KIF4A: variants seen among roughly 807,000 people sequenced by gnomAD.
The protein encoded by KIF4A is kinesin family member 4A.
KIF4A carries 7 observed loss-of-function variants against 105.9 expected under a neutral mutation model. The ratio of observed to expected loss-of-function variants is 0.07; its 90% CI spans 0.04 to 0.12. The LOEUF (loss-of-function observed/expected upper bound fraction) is 0.12, where lower values mean the gene tolerates loss of function less well. Ranked by LOEUF, KIF4A falls within the 10% of genes least tolerant of loss-of-function variation. KIF4A has a pLI of 1.00. For missense variants in KIF4A, 558 were observed against 929.2 expected (o/e 0.60, Z 5.19); for synonymous variants, 281 against 331.3 (o/e 0.85, Z 1.65).
chrX:70,349,741 C>T (rs1435099013), intron 13 of KIF4A, among the ~76,000 whole-genome samples: 3 of 63,850 alleles, frequency 4.7e-5, no homozygotes, highest in Admixed American at 1.8e-4. Flanking sequence ...GGGTGGCGGC[C>T]AGGCAGAGGC....
chrX:70,357,309 A>C (rs1346659446), intron 15 of KIF4A, among the ~76,000 whole-genome samples: 8 of 111,509 alleles, frequency 7.2e-5, no homozygotes, highest in Non-Finnish European at 1.1e-4. Context: ...GCAAGACTCC[A>C]TCTCAAAAAC....
At chrX:70,304,510 G>T (rs764658701) in intron 7 of KIF4A, among the ~76,000 whole-genome samples, 24 of 109,487 alleles carry the variant, frequency 2.2e-4, no homozygotes, top group African/African-American at 7.7e-4. Flanking sequence ...CTGAGGAATC[G>T]CCACACTGAC....
chrX:70,404,041 T>C lies in KIF4A; in HGVS notation c.2790+7T>C. On this transcript the variant is annotated splice_region_variant and intron_variant, in intron 24 of 30. Coordinates refer to ENST00000374403, the MANE Select transcript of KIF4A (RefSeq NM_012310.5). ...GCAACAGCACCAAGAGAAGGTAAAC[T>C]CTAGCAAGTCAAGAAGCTATACTGT... The C allele has an allele frequency of 8.3e-7, 1 of 1,208,557 alleles. No homozygotes were observed. The highest frequency in any genetic ancestry group is 1.8e-5 in the South Asian group (1 of 56,845).
chrX:70,374,087 T>G, intron 15 of KIF4A, 64 bp from the exon 16 acceptor site: 1 of 634,955 alleles, frequency 1.6e-6, no homozygotes, highest in Non-Finnish European at 2.5e-6. Flanking sequence ...CATGGAATGC[T>G]GAAGTGATTT....
rs1305905498 is a variant in KIF4A at position 70,344,019 on chromosome X, C to T, written c.1431+37C>T. 3.0e-6 allele frequency: 3 copies of T among 999,324 alleles called. No homozygotes were observed. In the African/African-American group the frequency reaches 5.6e-5, roughly 19 times the overall value. 82.4% of individuals were successfully genotyped at this position (999,324 alleles called of 1,213,427 possible). On this transcript the variant is annotated intron_variant, in intron 13 of 30. Transcript: ENST00000374403. ...AGGGGCAGTGTAAATAGGCATATCA[C>T]TTTCATTTGTTTCTCTTGACACATA...
chrX:70,379,286 A>G (rs1451208393), intron 18 of KIF4A, among the ~76,000 whole-genome samples: 1 of 112,374 alleles, frequency 8.9e-6, no homozygotes, highest in East Asian at 2.8e-4. Flanking sequence ...AATTACTATT[A>G]ACAACTGTAT....
chrX:70,380,409 A>T (rs1339983293), intron 18 of KIF4A, among the ~76,000 whole-genome samples: 2 of 112,520 alleles, frequency 1.8e-5, no homozygotes, highest in African/African-American at 6.5e-5. Flanking sequence ...ATACTGTATC[A>T]GTAGGAAAAA....
intron 13 of KIF4A, among the ~76,000 whole-genome samples, chrX:70,347,347 CTTA>C (rs1194953114): frequency 8.9e-6 from 1 of 112,004 alleles, no homozygotes; most frequent in African/African-American, 3.2e-5. Context: ...TGAAATAAAT[CTTA>C]TTGTCATATA....
chrX:70,418,151 A>G, intron 29 of KIF4A, 147 bp downstream of exon 29: 1 of 449,862 alleles, frequency 2.2e-6, no homozygotes, highest in Non-Finnish European at 3.8e-6. Context: ...AAAAAGAGAC[A>G]GTTCACTTCT....
At chrX:70,416,583 G>A (rs940607178) in intron 28 of KIF4A, among the ~76,000 whole-genome samples, 3 of 110,316 alleles carry the variant, frequency 2.7e-5, no homozygotes, top group South Asian at 3.9e-4. Context: ...CGATCCACCC[G>A]CCTTGACCTC....
chrX:70,349,899 G>A (rs1267092224), intron 13 of KIF4A, among the ~76,000 whole-genome samples: 3 of 92,368 alleles, frequency 3.2e-5, no homozygotes, highest in African/African-American at 1.2e-4. Flanking sequence ...GGTGGCGGCC[G>A]GGCAGAGACG....
intron 18 of KIF4A, among the ~76,000 whole-genome samples, chrX:70,378,358 C>T (rs1293353779): frequency 9.0e-6 from 1 of 110,554 alleles, no homozygotes; most frequent in East Asian, 2.8e-4. Flanking sequence ...ATAACCTAGC[C>T]TTCTACTTTA....
intron 15 of KIF4A, among the ~76,000 whole-genome samples, chrX:70,371,017 A>C (rs2086129591): frequency 9.2e-6 from 1 of 109,069 alleles, no homozygotes; most frequent in African/African-American, 3.3e-5. Flanking sequence ...CATTGCTTGG[A>C]AAACAGCTCT....
intron 1 of KIF4A, 82 bp downstream of exon 1, chrX:70,290,232 T>C (rs2147653743): frequency 2.7e-6 from 1 of 368,675 alleles, no homozygotes; most frequent in Non-Finnish European, 4.6e-6. Flanking sequence ...GCCGTCCCCG[T>C]TGGAGTTTTT....
intron 15 of KIF4A, among the ~76,000 whole-genome samples, chrX:70,367,152 G>A (rs186298022): frequency 4.2e-3 from 446 of 106,878 alleles, no homozygotes; most frequent in Non-Finnish European, 5.7e-3. Context: ...GTCTCTGCAC[G>A]TGAGATGGGT....
intron 28 of KIF4A, chrX:70,415,347 C>T (rs775938575): frequency 2.0e-4 from 55 of 270,005 alleles, no homozygotes; most frequent in Admixed American, 1.4e-4. Flanking sequence ...CTGTTGCTCA[C>T]GCCTGTAATC....
rs1405112878 is a variant in KIF4A, at chrX:70,393,736, G to T, written c.2233-1935G>T. ...GTATGTTGTTTTTTTTTTTGTCATG[G>T]TGTATTTAATGTTAACGTATTTGTG... On this transcript the variant is annotated intron_variant, in intron 20 of 30. Transcript: ENST00000374403. Among the ~76,000 whole-genome samples the T allele has an allele frequency of 6.6e-5, 7 of 105,844 alleles. No individual in the cohort carries two copies. The South Asian group carries it at 2.1e-3, about 32-fold the overall frequency. 91.9% of individuals were successfully genotyped at this position (105,844 alleles called of 115,157 possible). A position where few individuals can be genotyped will look rare whatever the true frequency, so the allele number is the denominator to read the frequency against.
At position 70,405,448 on chromosome X, in the gene KIF4A, A is replaced by G. The variant is rs1364860126; in HGVS notation, c.2899-380A>G. 2.1e-4 allele frequency among the ~76,000 whole-genome samples: 24 copies of G among 111,773 alleles called. No homozygotes were observed. In the Admixed American group the frequency reaches 2.2e-3, roughly 10 times the overall value. On this transcript the variant is annotated intron_variant, in intron 25 of 30. Transcript: ENST00000374403. ...AAGTAGCAAGTAAACTGCCTAGTCT[A>G]TGTTGAGAAGGGTAAAGAGAAGCAT...
chrX:70,381,217 A>G (rs1016973680), intron 18 of KIF4A, among the ~76,000 whole-genome samples: 2 of 112,063 alleles, frequency 1.8e-5, no homozygotes, highest in African/African-American at 6.5e-5. Flanking sequence ...TATACTAGCA[A>G]TTAACAATTT....
Sources: gnomAD v4.1 joint callset for allele counts (sites outside exome capture counted in the v4.1 genomes callset) on GRCh38, gnomAD v4.1.1 for gene constraint, MANE v1.5 for transcripts, NCBI Gene and HGNC (gene_info 2026-07-23, HGNC 2026-07-21) for gene names.